Variants in CFAP61 observed in about 807,000 individuals in gnomAD.
CFAP61 encodes the protein cilia and flagella associated protein 61.
CFAP61 carries 107 observed loss-of-function variants against 135.6 expected under a neutral mutation model. The observed-to-expected ratio is 0.79, with a 90% CI of 0.67 to 0.93. The LOEUF (loss-of-function observed/expected upper bound fraction) is 0.93. Among genes scored for constraint, CFAP61 ranks in the 40% least tolerant of loss-of-function variants. The pLI is 0.00. For synonymous variants in CFAP61, 575 were observed against 578.5 expected, an observed-to-expected ratio of 0.99 and a Z score of 0.09; for missense variants, 1,507 against 1,556.2, an observed-to-expected ratio of 0.97 and a Z score of 0.53.
chr20:20,075,134 A>G, intron 4 of CFAP61, 55 bp from the exon 5 acceptor site: 1 of 1,528,336 alleles, frequency 6.5e-7, no homozygotes, highest in South Asian at 1.1e-5. Context: ...ATCAAGTGCC[A>G]GCTGATGGGA....
intron 25 of CFAP61, among the ~76,000 whole-genome samples, chr20:20,302,231 A>C (rs1163573158): frequency 1.3e-5 from 2 of 152,218 alleles, no homozygotes; most frequent in Non-Finnish European, 2.9e-5. Context: ...AGTTTTGAAT[A>C]ATTTACCTGT....
intron 7 of CFAP61, among the ~76,000 whole-genome samples, chr20:20,093,243 A>G (rs1568884327): frequency 6.6e-6 from 1 of 152,178 alleles, no homozygotes. Context: ...TGGCATTTAG[A>G]TGAAAGCCTA....
intron 9 of CFAP61, among the ~76,000 whole-genome samples, chr20:20,156,069 A>G (rs191828109): frequency 1.3e-5 from 2 of 152,250 alleles, no homozygotes; most frequent in South Asian, 2.1e-4. Flanking sequence ...TACAGTATAC[A>G]CTGCTTGGAT....
At chr20:20,171,563 T>A (rs1206977630) in intron 13 of CFAP61, among the ~76,000 whole-genome samples, 2 of 152,210 alleles carry the variant, frequency 1.3e-5, no homozygotes, top group Non-Finnish European at 2.9e-5. Flanking sequence ...AAATGACAGA[T>A]ATTTTCGTTC....
chr20:20,277,960 C>G (rs1237899568), intron 22 of CFAP61, among the ~76,000 whole-genome samples: 1 of 152,176 alleles, frequency 6.6e-6, no homozygotes, highest in East Asian at 1.9e-4. Flanking sequence ...GCTGTGTCAC[C>G]CTGGATGACC....
intron 18 of CFAP61, among the ~76,000 whole-genome samples, chr20:20,230,927 G>A (rs547916951): frequency 1.2e-3 from 188 of 152,294 alleles, no homozygotes; most frequent in African/African-American, 3.7e-3. Flanking sequence ...ATCCACTCGA[G>A]GCTCAGGACA....
intron 17 of CFAP61, among the ~76,000 whole-genome samples, chr20:20,218,380 G>C (rs1166724767): frequency 6.6e-6 from 1 of 152,162 alleles, no homozygotes; most frequent in Non-Finnish European, 1.5e-5. Flanking sequence ...CACCATGATT[G>C]TGAGACCTTC....
chr20:20,164,285 G>C, intron 11 of CFAP61, 57 bp downstream of exon 11: 1 of 1,518,886 alleles, frequency 6.6e-7, no homozygotes, highest in Non-Finnish European at 8.9e-7. Context: ...GGCATTGGTG[G>C]CCCAACATTT....
chr20:20,326,533 A>G (rs1311240904), intron 25 of CFAP61, among the ~76,000 whole-genome samples: 1 of 152,194 alleles, frequency 6.6e-6, no homozygotes, highest in East Asian at 1.9e-4. Flanking sequence ...GTGGTGTAAT[A>G]TAAGAATTTA....
intron 24 of CFAP61, among the ~76,000 whole-genome samples, chr20:20,294,579 C>T (rs988933755): frequency 3.6e-4 from 55 of 152,292 alleles, no homozygotes; most frequent in African/African-American, 1.2e-3. Context: ...CAGGATTATG[C>T]GGACAAAACT....
chr20:20,285,747 T>G (rs894516581), intron 22 of CFAP61, among the ~76,000 whole-genome samples: 2 of 151,498 alleles, frequency 1.3e-5, no homozygotes, highest in Admixed American at 6.6e-5. Flanking sequence ...GTGAAGGCCA[T>G]CTCTACAAAA....
chr20:20,262,209 C>G (rs1276693709), intron 20 of CFAP61, among the ~76,000 whole-genome samples: 17 of 152,204 alleles, frequency 1.1e-4, no homozygotes, highest in Admixed American at 1.1e-3. Flanking sequence ...TAGGTTCCCT[C>G]CCCTGGTCCT....
intron 18 of CFAP61, among the ~76,000 whole-genome samples, chr20:20,243,726 C>A (rs1281841494): frequency 6.6e-6 from 1 of 152,076 alleles, no homozygotes. Flanking sequence ...TATGAGCCAC[C>A]ATGCCTGGCC....
chr20:20,200,713 C>G lies in CFAP61; in HGVS notation c.1932+811C>G, dbSNP rs1007316484. 15 of 985,192 alleles carry G rather than the reference C, an allele frequency of 1.5e-5. No individual in the cohort carries two copies. The African/African-American group carries it at 2.6e-4, about 17-fold the overall frequency. The allele number at this position is 985,192 out of a possible 1,614,324, so 61.0% of individuals were successfully genotyped here. A position where few individuals can be genotyped will look rare whatever the true frequency, so the allele number is the denominator to read the frequency against. On this transcript the variant is annotated intron_variant, in intron 17 of 26. Coordinates refer to ENST00000245957, the MANE Select transcript of CFAP61 (RefSeq NM_015585.4). Reference sequence around the variant, plus strand: ...AAAAAGGAAAGTGTAAGTTTAAACTCTCCAAACACTTACCCAAGGAGCTGC... The same window carrying G: ...AAAAAGGAAAGTGTAAGTTTAAACTGTCCAAACACTTACCCAAGGAGCTGC...
chr20:20,200,046 G>T (rs1235728119), intron 17 of CFAP61, 144 bp downstream of exon 17: 10 of 966,640 alleles, frequency 1.0e-5, no homozygotes, highest in Non-Finnish European at 1.5e-5. Flanking sequence ...GCGGAGCCCC[G>T]CGAAGGCTCC....
Position 20,350,183 on chromosome 20 carries a change from G to A in CFAP61, c.3513+8262G>A, listed in dbSNP as rs149578674. Among the ~76,000 whole-genome samples the A allele has an allele frequency of 6.4e-3, 982 of 152,292 alleles. 15 individuals are homozygous for A. The highest frequency in any genetic ancestry group is 0.023 in the African/African-American group (951 of 41,550). ...GGCATGGCTATAATACAAAACAAGG[G>A]GGGAAATAGTGAAGATATGGGGAAA... On this transcript the variant is annotated intron_variant, in intron 26 of 26. Transcript: ENST00000245957.
chr20:20,087,837 C>A (rs373125901), intron 6 of CFAP61, among the ~76,000 whole-genome samples: 4 of 152,016 alleles, frequency 2.6e-5, no homozygotes, highest in Admixed American at 2.0e-4. Flanking sequence ...CTGGCTCCCC[C>A]GCTCAGGCTG....
intron 26 of CFAP61, among the ~76,000 whole-genome samples, chr20:20,342,869 T>G (rs896070808): frequency 2.9e-5 from 3 of 105,012 alleles, no homozygotes; most frequent in African/African-American, 1.2e-4. Context: ...TCTGTTTTTG[T>G]TTTTTTTTTG....
intron 12 of CFAP61, 67 bp from the exon 13 acceptor site, chr20:20,169,254 A>G: frequency 6.9e-7 from 1 of 1,449,220 alleles, no homozygotes; most frequent in Non-Finnish European, 9.4e-7. Context: ...GGTGTTTTTT[A>G]GAGGAATTTG....
Sources: gnomAD v4.1 joint callset for allele counts (sites outside exome capture counted in the v4.1 genomes callset) on GRCh38, gnomAD v4.1.1 for gene constraint, MANE v1.5 for transcripts, NCBI Gene and HGNC (gene_info 2026-07-23, HGNC 2026-07-21) for gene names.